The following CDK5RAP2 variants were observed in gnomAD, a reference collection of about 807,000 sequenced individuals.
The protein encoded by CDK5RAP2 is CDK5 regulatory subunit-associated protein 2.
In CDK5RAP2, 147 loss-of-function variants were observed where a neutral mutation model predicts 232.9. That is an observed-to-expected ratio of 0.63 (90% CI 0.55 to 0.72). The LOEUF is 0.72. Among genes scored for constraint, CDK5RAP2 ranks in the 30% least tolerant of loss-of-function variants. The probability of loss-of-function intolerance (pLI) is 0.00; values close to 1 mark genes in which losing one functional copy is unlikely to be tolerated. For missense variants in CDK5RAP2, 2,195 were observed against 2,231.5 expected (o/e 0.98, Z 0.33); for synonymous variants, 833 against 833.7 (o/e 1.00, Z 0.01).
intron 6 of CDK5RAP2, among the ~76,000 whole-genome samples, 192 bp downstream of exon 6, chr9:120,538,849 G>C (rs1272601696): frequency 6.6e-6 from 1 of 152,210 alleles, no homozygotes; most frequent in Non-Finnish European, 1.5e-5. Flanking sequence ...ACAATGGCCA[G>C]TTTGTGGGTA....
At chr9:120,549,626 T>C (rs796241973) in intron 4 of CDK5RAP2, among the ~76,000 whole-genome samples, 22 of 152,284 alleles carry the variant, frequency 1.4e-4, no homozygotes, top group African/African-American at 5.3e-4. Flanking sequence ...AGGACTGTCA[T>C]GAGAATTACA....
intron 13 of CDK5RAP2, among the ~76,000 whole-genome samples, chr9:120,490,041 G>A (rs559435015): frequency 2.0e-3 from 297 of 152,162 alleles, no homozygotes; most frequent in African/African-American, 6.8e-3. Context: ...TCCCGACCTC[G>A]GGTTATCCGC....
chr9:120,485,229 A>AT (rs1175709410), intron 14 of CDK5RAP2, among the ~76,000 whole-genome samples: 6 of 152,126 alleles, frequency 3.9e-5, no homozygotes, highest in Admixed American at 3.9e-4. Flanking sequence ...TAAAACTGAA[A>AT]TTAGATTTTA....
chr9:120,478,309 T>C (rs1333047423), intron 14 of CDK5RAP2, among the ~76,000 whole-genome samples: 2 of 152,202 alleles, frequency 1.3e-5, no homozygotes, highest in Non-Finnish European at 2.9e-5. Flanking sequence ...ATAAAAGATA[T>C]GTGTATAGCA....
intron 21 of CDK5RAP2, among the ~76,000 whole-genome samples, chr9:120,452,052 T>A (rs569865764): frequency 1.3e-5 from 2 of 151,880 alleles, no homozygotes; most frequent in Non-Finnish European, 2.9e-5. Context: ...AATTCTCCAG[T>A]TTTCCTGAAC....
intron 2 of CDK5RAP2, among the ~76,000 whole-genome samples, chr9:120,571,106 G>A (rs764110601): frequency 1.3e-5 from 2 of 152,166 alleles, no homozygotes; most frequent in Non-Finnish European, 2.9e-5. Flanking sequence ...TGCAGTGTGC[G>A]TGATCGCACC....
At chr9:120,487,166 C>A in intron 14 of CDK5RAP2, 128 bp downstream of exon 14, 1 of 973,584 alleles carries the variant, frequency 1.0e-6, no homozygotes, top group East Asian at 2.4e-5. Context: ...CCTCCTCCTA[C>A]CTGTTGTAGG....
intron 17 of CDK5RAP2, among the ~76,000 whole-genome samples, chr9:120,469,013 C>T (rs762743652): frequency 8.5e-5 from 13 of 152,178 alleles, no homozygotes; most frequent in Non-Finnish European, 1.9e-4. Context: ...TAAGTGCCAA[C>T]CAAGTGAACT....
rs2132265283 is a variant in CDK5RAP2, at chr9:120,580,062, A to G, written c.-84T>C. On this transcript the variant is annotated 5_prime_UTR_variant, in exon 1 of 38. Transcript: ENST00000349780. ...GCGATAGCGACCCGCCGGGCTCCCCAGGTCCCCGCCCCCTCCACCCCAGCT... is the reference window on the plus strand; with the variant it reads ...GCGATAGCGACCCGCCGGGCTCCCCGGGTCCCCGCCCCCTCCACCCCAGCT... 1.2e-6 allele frequency: 1 copy of G among 838,028 alleles called. No homozygotes were observed. 51.9% of individuals were successfully genotyped at this position (838,028 alleles called of 1,614,324 possible).
chr9:120,473,537 T>A (rs192154797), intron 15 of CDK5RAP2, among the ~76,000 whole-genome samples: 46 of 152,270 alleles, frequency 3.0e-4, no homozygotes, highest in African/African-American at 9.9e-4. Flanking sequence ...TCAACACACA[T>A]TGGAAGGAAA....
intron 17 of CDK5RAP2, among the ~76,000 whole-genome samples, chr9:120,468,702 A>C (rs2131510999): frequency 6.6e-6 from 1 of 152,350 alleles, no homozygotes; most frequent in Non-Finnish European, 1.5e-5. Flanking sequence ...ACAATGGCCG[A>C]AGTGCCTAAC....
intron 5 of CDK5RAP2, among the ~76,000 whole-genome samples, chr9:120,543,069 T>C (rs2041705016): frequency 6.6e-6 from 1 of 152,184 alleles, no homozygotes; most frequent in African/African-American, 2.4e-5. Flanking sequence ...GCTGGAGCAG[T>C]TGGGTCACTG....
chr9:120,540,171 A>G (rs2041569323), intron 5 of CDK5RAP2, among the ~76,000 whole-genome samples: 2 of 152,192 alleles, frequency 1.3e-5, no homozygotes, highest in Non-Finnish European at 2.9e-5. Context: ...ACGCAGGACT[A>G]CAACCACCGA....
At chr9:120,442,319 A>G (rs78102276) in intron 23 of CDK5RAP2, among the ~76,000 whole-genome samples, 66 of 152,340 alleles carry the variant, frequency 4.3e-4, no homozygotes, top group African/African-American at 1.5e-3. Flanking sequence ...ACCGCGGTGC[A>G]TGAGCAAAGA....
intron 25 of CDK5RAP2, among the ~76,000 whole-genome samples, chr9:120,426,776 T>C (rs2034931223): frequency 6.6e-6 from 1 of 152,194 alleles, no homozygotes; most frequent in Non-Finnish European, 1.5e-5. Flanking sequence ...GTACAATACT[T>C]TGATTTCTTT....
At chr9:120,430,276 T>C (rs1427155026) in intron 25 of CDK5RAP2, among the ~76,000 whole-genome samples, 1 of 152,106 alleles carries the variant, frequency 6.6e-6, no homozygotes, top group African/African-American at 2.4e-5. Context: ...CTAATTAAAC[T>C]CAAGAGCTTC....
At chr9:120,390,234 G>T (rs558799322) in intron 36 of CDK5RAP2, 1 of 174,160 alleles carries the variant, frequency 5.7e-6, no homozygotes, top group African/African-American at 2.3e-5. Flanking sequence ...ACTGTGCCCC[G>T]ATCAGGCAGA....
intron 4 of CDK5RAP2, among the ~76,000 whole-genome samples, chr9:120,549,835 T>C: frequency 6.6e-6 from 1 of 152,210 alleles, no homozygotes; most frequent in Admixed American, 6.5e-5. Flanking sequence ...CCTCACTGTC[T>C]TTCCACTCCC....
At chr9:120,471,214 T>G (rs1348130628) in intron 16 of CDK5RAP2, among the ~76,000 whole-genome samples, 1 of 152,212 alleles carries the variant, frequency 6.6e-6, no homozygotes, top group Non-Finnish European at 1.5e-5. Flanking sequence ...TTAAAGGGCT[T>G]AAGTTCTACC....
Sources: gnomAD v4.1 joint callset for allele counts (sites outside exome capture counted in the v4.1 genomes callset) on GRCh38, gnomAD v4.1.1 for gene constraint, MANE v1.5 for transcripts, NCBI Gene and HGNC (gene_info 2026-07-23, HGNC 2026-07-21) for gene names.